GABRG3: variants seen among roughly 807,000 people sequenced by gnomAD.
GABRG3 encodes gamma-aminobutyric acid type A receptor subunit gamma3.
GABRG3 carries 25 observed loss-of-function variants against 48.8 expected under a neutral mutation model. The ratio of observed to expected loss-of-function variants is 0.51; its 90% CI spans 0.37 to 0.72. The LOEUF (loss-of-function observed/expected upper bound fraction) is 0.72. Ranked by LOEUF, GABRG3 falls within the 30% of genes least tolerant of loss-of-function variation. GABRG3 has a pLI of 0.00. For synonymous variants in GABRG3, 227 were observed against 217.6 expected (o/e 1.04, Z -0.38); for missense variants, 394 against 577.9 (o/e 0.68, Z 3.26).
Position 27,326,833 on chromosome 15 carries a change from G to A in GABRG3, c.295G>A (p.Ala99Thr), listed in dbSNP as rs1422753638. ...NMEYQIDIFFAQTWTDSRLRF... is the reference protein window; with the variant it reads ...NMEYQIDIFFTQTWTDSRLRF... ...GGAATACCAAATTGACATATTTTTT[G>A]CTCAGACCTGGACAGATAGTCGCCT... The change falls in exon 4 of 10, where the codon GCT (alanine) becomes ACT (threonine). Residue 99 changes from alanine (A) to threonine (T), a missense_variant. Physicochemically the swap from Ala to Thr is moderately conservative, Grantham distance 58. This residue lies in a region of GABRG3 where 218 missense variants were observed against 309.9 expected (regional missense o/e 0.70). Coordinates refer to ENST00000615808, the MANE Select transcript of GABRG3 (RefSeq NM_033223.5). 6.2e-7 allele frequency: 1 copy of A among 1,613,220 alleles called. No homozygotes were observed. Among genetic ancestry groups the A allele is most frequent in the African/African-American group, 1.3e-5 (1 of 74,846 alleles).
rs753931995 is a variant in GABRG3, at chr15:27,532,890, CAGAGTGA to C, written c.*21_*27del. 23 of 1,612,012 alleles carry C rather than the reference CAGAGTGA, an allele frequency of 1.4e-5. No homozygotes were observed. The highest frequency in any genetic ancestry group is 1.8e-5 in the Non-Finnish European group (21 of 1,179,010). The stretch of plus-strand genomic sequence containing the variant: ...GATACCTGTATCTCTAAGTGTTGCT[CAGAGTGA>C]AGAGTGAAGAGCATTTGGTACACAC... On this transcript the variant is annotated 3_prime_UTR_variant, in exon 10 of 10. Transcript: ENST00000615808.
chr15:27,336,459 A>C (rs1893980837), intron 5 of GABRG3, among the ~76,000 whole-genome samples: 1 of 152,192 alleles, frequency 6.6e-6, no homozygotes, highest in Non-Finnish European at 1.5e-5. Context: ...AGTAAATGTA[A>C]ATTAAAACCA....
At chr15:27,276,857 T>G (rs1393767021) in intron 3 of GABRG3, among the ~76,000 whole-genome samples, 2 of 152,234 alleles carry the variant, frequency 1.3e-5, no homozygotes, top group Non-Finnish European at 2.9e-5. Flanking sequence ...GTAGCTATCA[T>G]TCCATGCCAT....
chr15:27,475,190 G>T (rs1452541235), intron 5 of GABRG3, among the ~76,000 whole-genome samples: 4 of 152,068 alleles, frequency 2.6e-5, no homozygotes, highest in Non-Finnish European at 5.9e-5. Flanking sequence ...CAGAAGAACA[G>T]ATGGAGACCA....
At chr15:27,023,360 A>G (rs1242079716) in intron 2 of GABRG3, among the ~76,000 whole-genome samples, 1 of 152,160 alleles carries the variant, frequency 6.6e-6, no homozygotes, top group Admixed American at 6.5e-5. Flanking sequence ...TGTACAGTTG[A>G]GTGGCAGTAG....
At chr15:27,279,282 A>AT (rs576334886) in intron 3 of GABRG3, among the ~76,000 whole-genome samples, 54 of 152,072 alleles carry the variant, frequency 3.6e-4, no homozygotes, top group Admixed American at 2.7e-3. Flanking sequence ...TGATTTATTG[A>AT]TTTTTTTCCT....
intron 3 of GABRG3, among the ~76,000 whole-genome samples, chr15:27,313,258 G>A (rs1318878512): frequency 5.1e-4 from 27 of 53,028 alleles, no homozygotes; most frequent in African/African-American, 2.2e-3. Context: ...GTGTGTGTGT[G>A]TGTGTATATA....
chr15:27,136,745 TA>T (rs1159477654), intron 3 of GABRG3, among the ~76,000 whole-genome samples: 8 of 152,248 alleles, frequency 5.3e-5, no homozygotes, highest in Non-Finnish European at 1.2e-4. Context: ...AAGTATGAAT[TA>T]ATCCTAGATT....
chr15:27,020,176 G>GC (rs1251112284), intron 2 of GABRG3, among the ~76,000 whole-genome samples: 1 of 152,090 alleles, frequency 6.6e-6, no homozygotes, highest in Non-Finnish European at 1.5e-5. Flanking sequence ...GAGCAGCTGA[G>GC]CCCCCCTGCA....
At chr15:27,336,211 AG>A (rs1566791967) in intron 5 of GABRG3, among the ~76,000 whole-genome samples, 6 of 107,068 alleles carry the variant, frequency 5.6e-5, no homozygotes, top group African/African-American at 3.5e-4. Flanking sequence ...AGAAAGAAAG[AG>A]AGAGAGAGAG....
At chr15:27,504,477 G>T (rs960106514) in intron 6 of GABRG3, among the ~76,000 whole-genome samples, 1 of 152,102 alleles carries the variant, frequency 6.6e-6, no homozygotes, top group Non-Finnish European at 1.5e-5. Flanking sequence ...TATGATGTAA[G>T]AATTTTACAA....
At position 26,971,424 on chromosome 15, in the gene GABRG3, A is replaced by G. The variant is rs1894839518; in HGVS notation, c.-112A>G. ...GATACCTGTCCCGCCCGCCGCGGCCAGCAGCCTCGGAGGAAGCCAGGGCAA... is the reference window on the plus strand; with the variant it reads ...GATACCTGTCCCGCCCGCCGCGGCCGGCAGCCTCGGAGGAAGCCAGGGCAA... On this transcript the variant is annotated 5_prime_UTR_variant, in exon 1 of 10. Coordinates refer to ENST00000615808, the MANE Select transcript of GABRG3 (RefSeq NM_033223.5). 1 of 850,220 alleles carries G rather than the reference A, an allele frequency of 1.2e-6. No homozygotes were observed. The highest frequency in any genetic ancestry group is 1.8e-5 in the African/African-American group (1 of 55,736). The allele number at this position is 850,220 out of a possible 1,614,324, so 52.7% of individuals were successfully genotyped here.
intron 5 of GABRG3, among the ~76,000 whole-genome samples, chr15:27,473,524 T>C (rs961628224): frequency 6.6e-6 from 1 of 152,244 alleles, no homozygotes; most frequent in Non-Finnish European, 1.5e-5. Flanking sequence ...CCAAAAATCA[T>C]TGATAGTTTT....
chr15:27,098,005 T>C (rs1237566257), intron 3 of GABRG3, among the ~76,000 whole-genome samples: 1 of 150,360 alleles, frequency 6.7e-6, no homozygotes, highest in Non-Finnish European at 1.5e-5. Flanking sequence ...AAAAAGAAAC[T>C]GTAACAACAA....
chr15:27,464,996 A>G (rs761047592), intron 5 of GABRG3, among the ~76,000 whole-genome samples: 5 of 151,982 alleles, frequency 3.3e-5, no homozygotes, highest in African/African-American at 4.8e-5. Context: ...TAAATATGTA[A>G]GTCTTTATGA....
chr15:27,476,122 T>C (rs1443007045), intron 5 of GABRG3, among the ~76,000 whole-genome samples: 1 of 151,890 alleles, frequency 6.6e-6, no homozygotes, highest in East Asian at 1.9e-4. Flanking sequence ...ATCTATAAAA[T>C]TAGTCCAGGA....
chr15:27,308,748 A>AAC (rs1407918882), intron 3 of GABRG3, among the ~76,000 whole-genome samples: 7 of 149,448 alleles, frequency 4.7e-5, no homozygotes, highest in South Asian at 2.2e-4. Context: ...TTTATATGTA[A>AAC]ACATATAATG....
At chr15:27,388,295 A>G (rs370235601) in intron 5 of GABRG3, among the ~76,000 whole-genome samples, 1,056 of 30,912 alleles carry the variant, frequency 0.034, 128 homozygotes, top group East Asian at 0.13. Context: ...AAGGAAGAAA[A>G]GAAGGAAGGA....
intron 3 of GABRG3, among the ~76,000 whole-genome samples, chr15:27,298,562 C>T (rs1892081618): frequency 6.6e-6 from 1 of 152,088 alleles, no homozygotes; most frequent in Non-Finnish European, 1.5e-5. Context: ...GCATGGCTAA[C>T]TGTGGGGATA....
Sources: gnomAD v4.1 joint callset for allele counts (sites outside exome capture counted in the v4.1 genomes callset) on GRCh38, gnomAD v4.1.1 for gene constraint, gnomAD v4.1.1 regional missense constraint, MANE v1.5 for transcripts, NCBI Gene and HGNC (gene_info 2026-07-23, HGNC 2026-07-21) for gene names.